RERE: variants seen among roughly 807,000 people sequenced by gnomAD.
RERE encodes the protein arginine-glutamic acid dipeptide repeats protein.
RERE carries 40 observed loss-of-function variants against 146.1 expected under a neutral mutation model. The ratio of observed to expected loss-of-function variants is 0.27; its 90% CI spans 0.21 to 0.36. The LOEUF (loss-of-function observed/expected upper bound fraction) is 0.36. Among genes scored for constraint, RERE ranks in the 10% least tolerant of loss-of-function variants. The pLI is 1.00. For missense variants in RERE, 1,933 were observed against 2,138.7 expected (o/e 0.90, Z 1.90); for synonymous variants, 1,003 against 866.0 (o/e 1.16, Z -2.78).
At chr1:8,463,955 G>A (rs1644561367) in intron 11 of RERE, among the ~76,000 whole-genome samples, 1 of 152,180 alleles carries the variant, frequency 6.6e-6, no homozygotes, top group African/African-American at 2.4e-5. Flanking sequence ...CTCCTTATGT[G>A]TTTCTTCCAC....
intron 1 of RERE, among the ~76,000 whole-genome samples, chr1:8,761,587 A>C (rs188353337): frequency 1.3e-5 from 2 of 152,182 alleles, no homozygotes; most frequent in Admixed American, 1.3e-4. Flanking sequence ...AACGTCTCCC[A>C]TCTGTCATAC....
chr1:8,786,785 C>A lies in RERE; in HGVS notation c.-145+30375G>T, dbSNP rs539434762. ...TCCTTGTGATAGCACTATGCTTTTT[C>A]ATAAATAAGCTCCCTCCTTGCCTTT... On this transcript the variant is annotated intron_variant, in intron 1 of 22. Transcript: ENST00000400908. 4 of 797,556 alleles carry A rather than the reference C, an allele frequency of 5.0e-6. No homozygotes were observed. The Admixed American group carries it at 6.8e-5, about 14-fold the overall frequency. 49.4% of individuals were successfully genotyped at this position (797,556 alleles called of 1,614,324 possible). A position where few individuals can be genotyped will look rare whatever the true frequency, so the allele number is the denominator to read the frequency against.
At chr1:8,589,370 G>A (rs1209937721) in intron 4 of RERE, among the ~76,000 whole-genome samples, 1 of 152,196 alleles carries the variant, frequency 6.6e-6, no homozygotes, top group African/African-American at 2.4e-5. Flanking sequence ...AATCTGGGAG[G>A]TGGAGGTTGC....
At chr1:8,756,804 C>T (rs1640647140) in intron 1 of RERE, among the ~76,000 whole-genome samples, 2 of 151,976 alleles carry the variant, frequency 1.3e-5, no homozygotes, top group African/African-American at 4.8e-5. Context: ...TAGAAAGCCA[C>T]ATGTTGGCCA....
chr1:8,680,230 GA>G (rs59051801), intron 1 of RERE, among the ~76,000 whole-genome samples: 8 of 150,640 alleles, frequency 5.3e-5, no homozygotes, highest in Admixed American at 1.3e-4. Flanking sequence ...TTCACTAAAA[GA>G]AAAAAAAATA....
chr1:8,760,930 T>C (rs1640745583), intron 1 of RERE, among the ~76,000 whole-genome samples: 1 of 152,136 alleles, frequency 6.6e-6, no homozygotes, highest in African/African-American at 2.4e-5. Context: ...ATTATCCCAC[T>C]AATGTATAAA....
chr1:8,650,339 T>A (rs1647550416), intron 2 of RERE, among the ~76,000 whole-genome samples: 1 of 152,202 alleles, frequency 6.6e-6, no homozygotes, highest in East Asian at 1.9e-4. Context: ...TCATTCTCAG[T>A]GACATTTCGA....
At chr1:8,680,760 G>C (rs1450935793) in intron 1 of RERE, among the ~76,000 whole-genome samples, 1 of 152,140 alleles carries the variant, frequency 6.6e-6, no homozygotes, top group Non-Finnish European at 1.5e-5. Context: ...CTCCGTTTCA[G>C]AGTATAATAA....
Position 8,759,036 on chromosome 1 carries a change from G to C in RERE, c.-145+58124C>G, listed in dbSNP as rs143678386. Among the ~76,000 whole-genome samples the C allele has an allele frequency of 3.8e-3, 581 of 152,254 alleles. 3 individuals are homozygous for C. Among genetic ancestry groups the C allele is most frequent in the African/African-American group, 0.013 (542 of 41,544 alleles). ...TAAAAAGATATTTCCCAACTACTCA[G>C]ATGCTGAAGCCGGAGGATTGCTTAA... On this transcript the variant is annotated intron_variant, in intron 1 of 22. Transcript: ENST00000400908.
rs1367479913 is a variant in RERE, at chr1:8,618,684, C to T, written c.397-3998G>A. On this transcript the variant is annotated intron_variant, in intron 3 of 22. Coordinates refer to ENST00000400908, the MANE Select transcript of RERE (RefSeq NM_001042681.2). ...TGATAATTAAGTCACTGTGTGTACA[C>T]TTGAATGTGTGCACAAAGAGTATGT... Among the ~76,000 whole-genome samples the T allele has an allele frequency of 3.3e-5, 5 of 152,312 alleles. No individual in the cohort carries two copies. The South Asian group carries it at 6.2e-4, about 19-fold the overall frequency.
chr1:8,708,762 C>T (rs150655324), intron 1 of RERE, among the ~76,000 whole-genome samples: 2 of 152,262 alleles, frequency 1.3e-5, no homozygotes, highest in East Asian at 3.9e-4. Context: ...GTCCACTAAA[C>T]CTCTTTTCTT....
chr1:8,453,384 T>C (rs2124079816), intron 11 of RERE, among the ~76,000 whole-genome samples: 1 of 152,316 alleles, frequency 6.6e-6, no homozygotes, highest in East Asian at 1.9e-4. Context: ...AATCAAGACT[T>C]CAACGTGGGA....
intron 10 of RERE, among the ~76,000 whole-genome samples, chr1:8,488,705 G>A (rs1206893702): frequency 6.6e-6 from 1 of 152,062 alleles, no homozygotes; most frequent in African/African-American, 2.4e-5. Context: ...AAAACACAGA[G>A]GCCCTAATAA....
chr1:8,742,347 A>T (rs1640325536), intron 1 of RERE, among the ~76,000 whole-genome samples: 1 of 152,206 alleles, frequency 6.6e-6, no homozygotes, highest in Admixed American at 6.5e-5. Context: ...TAACTCCAGG[A>T]ATTTGCTCAG....
chr1:8,360,089 T>A, intron 18 of RERE, 23 bp downstream of exon 18: 1 of 1,576,248 alleles, frequency 6.3e-7, no homozygotes, highest in Non-Finnish European at 8.6e-7. Context: ...GCCTGACCCG[T>A]CCTGGAGCCC....
chr1:8,774,347 A>ATTTTTTTTTTTTTTTT (rs34859762), intron 1 of RERE, among the ~76,000 whole-genome samples: 3 of 93,180 alleles, frequency 3.2e-5, no homozygotes, highest in Non-Finnish European at 6.2e-5. Flanking sequence ...TTGGCAAACT[A>ATTTTTTTTTTTTTTTT]TTTTTTTTTT....
chr1:8,808,922 A>C (rs7548307), intron 1 of RERE, among the ~76,000 whole-genome samples: 4 of 151,938 alleles, frequency 2.6e-5, no homozygotes, highest in African/African-American at 7.2e-5. Flanking sequence ...CGGATCACGA[A>C]GTCAGGAGAT....
chr1:8,580,909 G>C (rs1415907649), intron 4 of RERE, among the ~76,000 whole-genome samples: 1 of 152,020 alleles, frequency 6.6e-6, no homozygotes, highest in Non-Finnish European at 1.5e-5. Context: ...ATGTTGCCAA[G>C]ACTGATCTCG....
chr1:8,482,762 A>G (rs1644853602), intron 10 of RERE, among the ~76,000 whole-genome samples: 1 of 151,948 alleles, frequency 6.6e-6, no homozygotes, highest in African/African-American at 2.4e-5. Flanking sequence ...GGAACTTTAG[A>G]AGGGAATTTA....
Sources: gnomAD v4.1 joint callset for allele counts (sites outside exome capture counted in the v4.1 genomes callset) on GRCh38, gnomAD v4.1.1 for gene constraint, MANE v1.5 for transcripts, NCBI Gene and HGNC (gene_info 2026-07-23, HGNC 2026-07-21) for gene names.